The following TBC1D19 variants were observed in gnomAD, a reference collection of about 807,000 sequenced individuals.
TBC1D19 encodes the protein TBC1 domain family, member 19.
A neutral mutation model predicts 89.0 loss-of-function variants in TBC1D19; 60 were observed. That is an observed-to-expected ratio of 0.67 (90% CI 0.55 to 0.84). TBC1D19 has a LOEUF of 0.84. Ranked by LOEUF, TBC1D19 falls within the 40% of genes least tolerant of loss-of-function variation. TBC1D19 has a pLI of 0.00. For missense variants in TBC1D19, 500 were observed against 610.8 expected, an observed-to-expected ratio of 0.82 and a Z score of 1.91; for synonymous variants, 189 against 199.7, an observed-to-expected ratio of 0.95 and a Z score of 0.45.
chr4:26,591,646 T>A (rs563642621), intron 1 of TBC1D19, among the ~76,000 whole-genome samples: 1 of 152,028 alleles, frequency 6.6e-6, no homozygotes, highest in Non-Finnish European at 1.5e-5. Context: ...TAAAAAATGA[T>A]AAAGGGGATA....
Position 26,659,613 on chromosome 4 carries a change from G to C in TBC1D19, c.497G>C (p.Arg166Pro). ...KDFLEVLINL[R>P]NPNYENGDSL... ...TTTTTAAAGGTATTAATTAATCTTC[G>C]CAACCCAAATTATGAAAACGGTGAT... Residue 166 changes from arginine (R) to proline (P), a missense_variant, in exon 8 of 21, where the codon CGC (arginine) becomes CCC (proline). By Grantham distance (103) the Arg-to-Pro change is moderately radical. Transcript: ENST00000264866. The C allele has an allele frequency of 6.3e-7, 1 of 1,584,258 alleles. No individual in the cohort carries two copies. The highest frequency in any genetic ancestry group is 8.6e-7 in the Non-Finnish European group (1 of 1,159,296).
At chr4:26,797,714 A>C in the TBC1D19 span, among the ~76,000 whole-genome samples, 4 of 152,242 alleles carry the variant, frequency 2.6e-5, no homozygotes, top group African/African-American at 7.2e-5. Context: ...TTAATGGAAT[A>C]GGACAGAGAA....
At chr4:26,774,315 A>G in the TBC1D19 span, among the ~76,000 whole-genome samples, 1 of 152,260 alleles carries the variant, frequency 6.6e-6, no homozygotes, top group African/African-American at 2.4e-5. Context: ...GATTCCTGGC[A>G]GATCAGCACT....
In TBC1D19 at chr4:26,753,870, A is replaced by G. The variant is rs898337408; in HGVS notation, c.1486A>G (p.Thr496Ala). The G allele has an allele frequency of 8.1e-6, 13 of 1,613,856 alleles. No individual in the cohort carries two copies. Among genetic ancestry groups the G allele is most frequent in the Non-Finnish European group, 1.1e-5 (13 of 1,179,886 alleles). The change falls in exon 20 of 21, where the codon ACA becomes GCA. Residue 496 changes from threonine (T) to alanine (A), a missense_variant. This residue lies in a region of TBC1D19 where 220 missense variants were observed against 319.1 expected (regional missense o/e 0.69). Coordinates refer to ENST00000264866, the MANE Select transcript of TBC1D19 (RefSeq NM_018317.4). ...AFRAVNLMEV[T>A]SLAAAEAVLA... ...CCGAGCAGTGAACCTGATGGAGGTGACATCACTGGCTGCAGCTGAAGTAAG... is the reference window on the plus strand; with the variant it reads ...CCGAGCAGTGAACCTGATGGAGGTGGCATCACTGGCTGCAGCTGAAGTAAG...
chr4:26,621,108 G>A (rs1420122066), intron 4 of TBC1D19, among the ~76,000 whole-genome samples: 2 of 152,198 alleles, frequency 1.3e-5, no homozygotes, highest in Non-Finnish European at 2.9e-5. Context: ...GCAGTAGGCT[G>A]TCACCTATTA....
At chr4:26,726,601 G>T (rs961925855) in intron 15 of TBC1D19, among the ~76,000 whole-genome samples, 9 of 152,102 alleles carry the variant, frequency 5.9e-5, no homozygotes, top group African/African-American at 2.2e-4. Context: ...GAAATAACTA[G>T]AAAACAATTT....
At chr4:26,820,971 T>C in the TBC1D19 span, among the ~76,000 whole-genome samples, 1,863 of 152,350 alleles carry the variant, frequency 0.012, 47 homozygotes, top group African/African-American at 0.043. Flanking sequence ...AAAATATCTG[T>C]TGACTGGCTA....
At chr4:26,851,997 C>A in the TBC1D19 span, among the ~76,000 whole-genome samples, 119,705 of 152,250 alleles carry the variant, frequency 0.79, 47,474 homozygotes, top group Middle Eastern at 0.97. Context: ...ACTCCTAAAT[C>A]TAAATCTCCA....
chr4:26,640,851 G>A (rs912432173), intron 7 of TBC1D19, among the ~76,000 whole-genome samples: 5 of 152,230 alleles, frequency 3.3e-5, no homozygotes, highest in African/African-American at 4.8e-5. Flanking sequence ...TGGGGGAGGG[G>A]CATCCGCCAT....
At chr4:26,704,027 C>T (rs1715544190) in intron 13 of TBC1D19, among the ~76,000 whole-genome samples, 1 of 151,588 alleles carries the variant, frequency 6.6e-6, no homozygotes, top group Admixed American at 6.6e-5. Flanking sequence ...GCACTTGTTC[C>T]TGAGTACCTC....
At chr4:26,588,725 G>T (rs1739584531) in intron 1 of TBC1D19, among the ~76,000 whole-genome samples, 1 of 152,034 alleles carries the variant, frequency 6.6e-6, no homozygotes, top group Admixed American at 6.6e-5. Flanking sequence ...TTGATTTCTA[G>T]TTTAATTCTC....
chr4:26,769,240 A>G, the TBC1D19 span, among the ~76,000 whole-genome samples: 34 of 152,216 alleles, frequency 2.2e-4, no homozygotes, highest in South Asian at 7.0e-3. Context: ...TCTCACACCT[A>G]CAAGAGCTGA....
chr4:26,622,270 C>A (rs1742104774), intron 4 of TBC1D19, among the ~76,000 whole-genome samples: 1 of 151,942 alleles, frequency 6.6e-6, no homozygotes, highest in Non-Finnish European at 1.5e-5. Context: ...GATTTAAACT[C>A]AGTAAAATAA....
chr4:26,779,395 C>T, the TBC1D19 span, among the ~76,000 whole-genome samples: 2 of 152,230 alleles, frequency 1.3e-5, no homozygotes, highest in Admixed American at 6.5e-5. Context: ...TGGGCAGACC[C>T]ACCTAGGTGT....
chr4:26,740,289 G>T (rs984572772), intron 17 of TBC1D19, among the ~76,000 whole-genome samples: 5 of 151,988 alleles, frequency 3.3e-5, no homozygotes, highest in Non-Finnish European at 2.9e-5. Context: ...TCTTATCTAT[G>T]AAATGAAGTA....
the TBC1D19 span, among the ~76,000 whole-genome samples, chr4:26,767,000 T>A: frequency 2.0e-5 from 3 of 151,702 alleles, no homozygotes; most frequent in Admixed American, 2.0e-4. Flanking sequence ...ATTTTTAGGG[T>A]TTCATGAGCA....
At chr4:26,721,610 T>A (rs1716980550) in intron 15 of TBC1D19, among the ~76,000 whole-genome samples, 1 of 152,098 alleles carries the variant, frequency 6.6e-6, no homozygotes, top group African/African-American at 2.4e-5. Flanking sequence ...AAAGTGAAAA[T>A]CTGCAAATTG....
At chr4:26,783,051 C>T in the TBC1D19 span, among the ~76,000 whole-genome samples, 1 of 152,176 alleles carries the variant, frequency 6.6e-6, no homozygotes, top group African/African-American at 2.4e-5. Flanking sequence ...CACCTTGTGA[C>T]AACAAAAGAC....
the TBC1D19 span, among the ~76,000 whole-genome samples, chr4:26,826,157 G>T: frequency 2.0e-5 from 3 of 152,170 alleles, no homozygotes; most frequent in South Asian, 6.2e-4. Flanking sequence ...AGCTGAGATC[G>T]TGCCATTGCA....
Sources: gnomAD v4.1 joint callset for allele counts (sites outside exome capture counted in the v4.1 genomes callset) on GRCh38, gnomAD v4.1.1 for gene constraint, gnomAD v4.1.1 regional missense constraint, MANE v1.5 for transcripts, NCBI Gene and HGNC (gene_info 2026-07-23, HGNC 2026-07-21) for gene names.